Variants in PARVA observed in about 807,000 individuals in gnomAD.
The protein encoded by PARVA is alpha-parvin.
PARVA carries 25 observed loss-of-function variants against 52.6 expected under a neutral mutation model. That is an observed-to-expected ratio of 0.48 (90% CI 0.35 to 0.66). The LOEUF is 0.66. Among genes scored for constraint, PARVA ranks in the 30% least tolerant of loss-of-function variants. The pLI, the probability that PARVA is intolerant of heterozygous loss-of-function variation, is 0.01. For missense variants in PARVA, 373 were observed against 450.9 expected, an observed-to-expected ratio of 0.83 and a Z score of 1.56; for synonymous variants, 185 against 179.1, an observed-to-expected ratio of 1.03 and a Z score of -0.26.
intron 1 of PARVA, among the ~76,000 whole-genome samples, chr11:12,401,753 G>A (rs1280369763): frequency 6.6e-6 from 1 of 152,134 alleles, no homozygotes; most frequent in East Asian, 1.9e-4. Flanking sequence ...TGATCGCAGG[G>A]CATGAAAAAA....
intron 1 of PARVA, among the ~76,000 whole-genome samples, chr11:12,390,662 G>A (rs1170243038): frequency 6.6e-6 from 1 of 152,160 alleles, no homozygotes; most frequent in Non-Finnish European, 1.5e-5. Context: ...CCTGGTTCTT[G>A]CCTCCCTCAC....
intron 1 of PARVA, among the ~76,000 whole-genome samples, chr11:12,403,311 T>A (rs1008483088): frequency 6.6e-6 from 1 of 152,214 alleles, no homozygotes; most frequent in African/African-American, 2.4e-5. Context: ...GTCCTTAGTT[T>A]TGAGGTCACT....
intron 1 of PARVA, among the ~76,000 whole-genome samples, chr11:12,392,981 A>G (rs1939681329): frequency 7.1e-6 from 1 of 140,126 alleles, no homozygotes; most frequent in Admixed American, 6.9e-5. Context: ...ATCCCATTAC[A>G]TCACTGGCTT....
chr11:12,476,641 C>A (rs1941018341), intron 3 of PARVA, among the ~76,000 whole-genome samples: 1 of 152,156 alleles, frequency 6.6e-6, no homozygotes, highest in Admixed American at 6.5e-5. Flanking sequence ...GATTTGAACT[C>A]TTTATGTTAT....
rs571973101 is a variant in PARVA at position 12,406,661 on chromosome 11, G to GTTTT, written c.136+28902_136+28905dup. On this transcript the variant is annotated intron_variant, in intron 1 of 12. Coordinates refer to ENST00000334956, the MANE Select transcript of PARVA (RefSeq NM_018222.5). ...ATTGTTAGCTATTTAGGTTGTATCTGTTTTTTTTTTTTTTTTTTTTTTTTT... is the reference window on the plus strand; with the variant it reads ...ATTGTTAGCTATTTAGGTTGTATCTGTTTTTTTTTTTTTTTTTTTTTTTTTTTTT... Among the ~76,000 whole-genome samples the GTTTT allele has an allele frequency of 1.7e-4, 13 of 77,796 alleles. 2 individuals are homozygous for GTTTT. Among genetic ancestry groups the GTTTT allele is most frequent in the African/African-American group, 5.4e-4 (10 of 18,458 alleles). 51.0% of individuals were successfully genotyped at this position (77,796 alleles called of 152,430 possible). A position where few individuals can be genotyped will look rare whatever the true frequency, so the allele number is the denominator to read the frequency against.
chr11:12,492,431 C>A (rs1485897618), intron 4 of PARVA, among the ~76,000 whole-genome samples: 1 of 152,060 alleles, frequency 6.6e-6, no homozygotes, highest in African/African-American at 2.4e-5. Context: ...AATAAAACTT[C>A]AGCAATAGAA....
At chr11:12,518,631 A>G in intron 12 of PARVA, 114 bp downstream of exon 12, 1 of 777,990 alleles carries the variant, frequency 1.3e-6, no homozygotes, top group Non-Finnish European at 2.2e-6. Context: ...TTGCTGGGGA[A>G]GGTGGGACTC....
intron 1 of PARVA, among the ~76,000 whole-genome samples, chr11:12,473,520 C>T (rs1007125337): frequency 6.6e-6 from 1 of 152,080 alleles, no homozygotes; most frequent in Non-Finnish European, 1.5e-5. Context: ...CCCTGCTTCC[C>T]TGAGGAAAGC....
rs138417129 is a variant in PARVA at position 12,502,132 on chromosome 11, G to A, written c.542-2182G>A. The stretch of plus-strand genomic sequence containing the variant: ...GGGTAAAACTTAGTTAACAAGGCCC[G>A]AAAGCCCAAAATTGAAACCTTCTGG... On this transcript the variant is annotated intron_variant, in intron 5 of 12. Coordinates refer to ENST00000334956, the MANE Select transcript of PARVA (RefSeq NM_018222.5). Among the ~76,000 whole-genome samples the A allele has an allele frequency of 9.9e-4, 150 of 152,242 alleles. 1 individual carries two copies. The highest frequency in any genetic ancestry group is 3.1e-3 in the African/African-American group (130 of 41,538).
chr11:12,388,052 T>C (rs1200022702), intron 1 of PARVA, among the ~76,000 whole-genome samples: 1 of 152,244 alleles, frequency 6.6e-6, no homozygotes, highest in African/African-American at 2.4e-5. Context: ...CTCACTAAAG[T>C]GCAAAGTGAA....
At chr11:12,417,900 C>T (rs896297992) in intron 1 of PARVA, among the ~76,000 whole-genome samples, 4 of 152,206 alleles carry the variant, frequency 2.6e-5, no homozygotes, top group Non-Finnish European at 4.4e-5. Context: ...GCATCTCTGG[C>T]CAGGGAGCAC....
At chr11:12,519,824 G>A (rs771806076) in intron 12 of PARVA, among the ~76,000 whole-genome samples, 15 of 152,146 alleles carry the variant, frequency 9.9e-5, no homozygotes, top group Non-Finnish European at 1.9e-4. Context: ...CTGAGACCTG[G>A]GGGAGGACCT....
chr11:12,497,033 T>C, intron 5 of PARVA, among the ~76,000 whole-genome samples: 1 of 152,084 alleles, frequency 6.6e-6, no homozygotes, highest in Middle Eastern at 3.4e-3. Flanking sequence ...GCCCTTCCAA[T>C]CCCCCTTCAT....
chr11:12,424,990 G>A (rs1013272383), intron 1 of PARVA, among the ~76,000 whole-genome samples: 2 of 152,228 alleles, frequency 1.3e-5, no homozygotes, highest in South Asian at 2.1e-4. Context: ...TGAATTAAAT[G>A]GCCTGTAATC....
intron 1 of PARVA, among the ~76,000 whole-genome samples, chr11:12,443,227 A>C (rs1940494879): frequency 7.9e-6 from 1 of 127,282 alleles, no homozygotes; most frequent in Admixed American, 1.0e-4. Flanking sequence ...GTTGGAGTGC[A>C]GTGGTGCAAT....
At chr11:12,418,827 C>A (rs562738820) in intron 1 of PARVA, among the ~76,000 whole-genome samples, 230 of 152,290 alleles carry the variant, frequency 1.5e-3, no homozygotes, top group Non-Finnish European at 2.4e-3. Flanking sequence ...GCCTTGCACC[C>A]TGTAACAATA....
intron 1 of PARVA, among the ~76,000 whole-genome samples, chr11:12,414,296 G>A (rs370879521): frequency 1.1e-4 from 17 of 152,276 alleles, no homozygotes; most frequent in African/African-American, 3.6e-4. Flanking sequence ...TTTTACAACA[G>A]CCCACTTCCT....
chr11:12,476,318 T>G (rs1941013680), intron 3 of PARVA, among the ~76,000 whole-genome samples: 1 of 152,076 alleles, frequency 6.6e-6, no homozygotes, highest in South Asian at 2.1e-4. Flanking sequence ...CTCTTTCTGG[T>G]CAACTCCTAG....
intron 4 of PARVA, among the ~76,000 whole-genome samples, chr11:12,488,624 G>T (rs569512104): frequency 1.2e-4 from 19 of 152,290 alleles, no homozygotes; most frequent in Non-Finnish European, 2.8e-4. Context: ...TACAAAATTT[G>T]TCCCACAGAA....
Sources: gnomAD v4.1 joint callset for allele counts (sites outside exome capture counted in the v4.1 genomes callset) on GRCh38, gnomAD v4.1.1 for gene constraint, MANE v1.5 for transcripts, NCBI Gene and HGNC (gene_info 2026-07-23, HGNC 2026-07-21) for gene names.